INPP4B: variants seen among roughly 807,000 people sequenced by gnomAD.
INPP4B encodes the protein inositol polyphosphate-4-phosphatase type II B.
In INPP4B, 55 loss-of-function variants were observed where a neutral mutation model predicts 122.5. The ratio of observed to expected loss-of-function variants is 0.45; its 90% CI spans 0.36 to 0.56. The LOEUF is 0.56. Ranked by LOEUF, INPP4B falls within the 20% of genes least tolerant of loss-of-function variation. The pLI is 0.00. For missense variants in INPP4B, 1,000 were observed against 1,097.7 expected (o/e 0.91, Z 1.26); for synonymous variants, 403 against 388.7 (o/e 1.04, Z -0.43).
chr4:142,263,487 A>C (rs1741113345), intron 10 of INPP4B, among the ~76,000 whole-genome samples: 1 of 151,476 alleles, frequency 6.6e-6, no homozygotes. Flanking sequence ...TACTTCTTTA[A>C]AGTAAAATTG....
intron 2 of INPP4B, among the ~76,000 whole-genome samples, chr4:142,556,832 T>C (rs534988621): frequency 1.3e-5 from 2 of 152,096 alleles, no homozygotes; most frequent in African/African-American, 4.8e-5. Flanking sequence ...CAGGGGAAAG[T>C]ATCGATTGCA....
intron 2 of INPP4B, among the ~76,000 whole-genome samples, chr4:142,611,351 C>A (rs1742453456): frequency 6.6e-6 from 1 of 152,052 alleles, no homozygotes; most frequent in Admixed American, 6.6e-5. Flanking sequence ...GAGATCTGGG[C>A]AAGGACACAG....
At chr4:142,804,152 A>G (rs2151098332) in intron 1 of INPP4B, among the ~76,000 whole-genome samples, 1 of 152,216 alleles carries the variant, frequency 6.6e-6, no homozygotes, top group Middle Eastern at 3.4e-3. Context: ...GCTCATCGTG[A>G]CCAGATATGG....
chr4:142,053,324 C>T (rs765039784), intron 25 of INPP4B, among the ~76,000 whole-genome samples: 33 of 152,042 alleles, frequency 2.2e-4, no homozygotes, highest in Non-Finnish European at 3.7e-4. Context: ...ATTTGGAAAG[C>T]TAACACAAAG....
intron 25 of INPP4B, chr4:142,029,498 A>G (rs1337319659): frequency 1.0e-6 from 1 of 985,702 alleles, no homozygotes; most frequent in Non-Finnish European, 1.2e-6. Context: ...TGGGAATGGT[A>G]CATCAAGACA....
chr4:142,333,010 C>CAAAAA (rs1158290884), intron 7 of INPP4B, among the ~76,000 whole-genome samples: 2 of 43,424 alleles, frequency 4.6e-5, no homozygotes, highest in African/African-American at 7.2e-5. Context: ...GACTCCGTCT[C>CAAAAA]AAAAAAAAAA....
chr4:142,284,794 C>T (rs1049416645), intron 9 of INPP4B, among the ~76,000 whole-genome samples: 3 of 152,020 alleles, frequency 2.0e-5, no homozygotes, highest in African/African-American at 7.2e-5. Context: ...GCACGGAAGT[C>T]AAGTTTCCCC....
intron 18 of INPP4B, among the ~76,000 whole-genome samples, chr4:142,138,302 C>A (rs1165918359): frequency 1.4e-4 from 20 of 147,176 alleles, no homozygotes; most frequent in Admixed American, 2.8e-4. Context: ...AACCAAACAC[C>A]GCATGTTCTC....
At chr4:142,319,174 G>T (rs529170887) in intron 7 of INPP4B, among the ~76,000 whole-genome samples, 3 of 152,276 alleles carry the variant, frequency 2.0e-5, no homozygotes, top group African/African-American at 4.8e-5. Context: ...TCATGCAAGT[G>T]CATCTGCTCA....
At chr4:142,483,237 T>A (rs1467382628) in intron 2 of INPP4B, among the ~76,000 whole-genome samples, 1 of 134,746 alleles carries the variant, frequency 7.4e-6, no homozygotes, top group East Asian at 2.3e-4. Flanking sequence ...GCCAAGGGTC[T>A]CACAATGGCG....
At chr4:142,193,894 G>A (rs988527991) in intron 14 of INPP4B, among the ~76,000 whole-genome samples, 1 of 151,982 alleles carries the variant, frequency 6.6e-6, no homozygotes, top group African/African-American at 2.4e-5. Flanking sequence ...TAAGTTTATG[G>A]CTTCAAAACA....
chr4:142,025,551 T>A lies in INPP4B; in HGVS notation c.*3231A>T. ...AGTGGTATTGTGTCTCTTGGTACAC[T>A]ATCAACTTTTACATAGGGAGAGGTT... On this transcript the variant is annotated 3_prime_UTR_variant, in exon 26 of 26. Coordinates refer to ENST00000262992, the MANE Select transcript of INPP4B (RefSeq NM_001101669.3). 1 of 152,208 alleles carries A rather than the reference T, an allele frequency of 6.6e-6. No homozygotes were observed. The highest frequency in any genetic ancestry group is 1.9e-4 in the East Asian group (1 of 5,202). 9.4% of individuals were successfully genotyped at this position (152,208 alleles called of 1,614,324 possible).
At chr4:142,817,696 C>T (rs1051804448) in intron 1 of INPP4B, among the ~76,000 whole-genome samples, 1 of 152,102 alleles carries the variant, frequency 6.6e-6, no homozygotes, top group African/African-American at 2.4e-5. Context: ...CAGCACATCG[C>T]CCAGGAAGTC....
intron 2 of INPP4B, among the ~76,000 whole-genome samples, chr4:142,632,218 T>C (rs1748121417): frequency 6.6e-6 from 1 of 152,140 alleles, no homozygotes; most frequent in Non-Finnish European, 1.5e-5. Context: ...TGGGGTCACC[T>C]TTGTTTTCAC....
At chr4:142,708,506 G>A (rs1762724045) in intron 2 of INPP4B, among the ~76,000 whole-genome samples, 1 of 152,132 alleles carries the variant, frequency 6.6e-6, no homozygotes, top group African/African-American at 2.4e-5. Flanking sequence ...TCAGGACACT[G>A]CTGTCTGCAT....
intron 2 of INPP4B, among the ~76,000 whole-genome samples, chr4:142,513,792 G>A (rs771936391): frequency 4.6e-5 from 7 of 152,162 alleles, no homozygotes; most frequent in African/African-American, 1.4e-4. Flanking sequence ...GGCCCCCAAC[G>A]CCTAATACCA....
chr4:142,452,340 A>G (rs967942182), intron 3 of INPP4B, among the ~76,000 whole-genome samples: 24 of 152,066 alleles, frequency 1.6e-4, no homozygotes, highest in African/African-American at 5.6e-4. Flanking sequence ...AAGCACATGG[A>G]CCCACTTTGG....
intron 2 of INPP4B, among the ~76,000 whole-genome samples, chr4:142,619,360 G>A (rs987094803): frequency 2.0e-5 from 3 of 151,920 alleles, no homozygotes; most frequent in African/African-American, 4.8e-5. Flanking sequence ...CAGATGAAGG[G>A]ACAAAGAAAA....
At chr4:142,564,451 A>AAAGAAAGAAAGAAAGAAAG (rs1553960083) in intron 2 of INPP4B, among the ~76,000 whole-genome samples, 1 of 131,686 alleles carries the variant, frequency 7.6e-6, no homozygotes, top group African/African-American at 2.8e-5. Context: ...AAAAAAAAAA[A>AAAGAAAGAAAGAAAGAAAG]AAAGAAAGAA....
Sources: gnomAD v4.1 joint callset for allele counts (sites outside exome capture counted in the v4.1 genomes callset) on GRCh38, gnomAD v4.1.1 for gene constraint, MANE v1.5 for transcripts, NCBI Gene and HGNC (gene_info 2026-07-23, HGNC 2026-07-21) for gene names.